The following CHRM3 variants were observed in gnomAD, a reference collection of about 807,000 sequenced individuals.
CHRM3 encodes the protein muscarinic acetylcholine receptor M3.
CHRM3 carries 11 observed loss-of-function variants against 41.8 expected under a neutral mutation model. That is an observed-to-expected ratio of 0.26 (90% CI 0.17 to 0.44). The LOEUF (loss-of-function observed/expected upper bound fraction) is 0.44, where lower values mean the gene tolerates loss of function less well. Ranked by LOEUF, CHRM3 falls within the 20% of genes least tolerant of loss-of-function variation. The pLI is 1.00. For missense variants in CHRM3, 571 were observed against 745.4 expected (o/e 0.77, Z 2.72); for synonymous variants, 297 against 301.4 (o/e 0.99, Z 0.15).
chr1:239,792,482 T>G (rs1669431209), intron 5 of CHRM3, among the ~76,000 whole-genome samples: 1 of 152,192 alleles, frequency 6.6e-6, no homozygotes, highest in Non-Finnish European at 1.5e-5. Context: ...TGCTCTCACA[T>G]AGATCCAAGT....
At chr1:239,722,710 A>T (rs1437106425) in intron 5 of CHRM3, among the ~76,000 whole-genome samples, 1 of 151,980 alleles carries the variant, frequency 6.6e-6, no homozygotes, top group Non-Finnish European at 1.5e-5. Flanking sequence ...AACTGAGTTA[A>T]CATATTCAAG....
intron 1 of CHRM3, among the ~76,000 whole-genome samples, chr1:239,473,630 CA>C (rs1666279421): frequency 6.6e-6 from 1 of 152,076 alleles, no homozygotes; most frequent in Non-Finnish European, 1.5e-5. Flanking sequence ...AGAAACAACT[CA>C]AATGACACTG....
chr1:239,796,831 A>G (rs542848564), intron 5 of CHRM3, among the ~76,000 whole-genome samples: 3 of 151,994 alleles, frequency 2.0e-5, no homozygotes, highest in Non-Finnish European at 4.4e-5. Context: ...GTAGCTTTTC[A>G]TTCCTCACCC....
At chr1:239,545,001 A>T (rs1172883170) in intron 2 of CHRM3, among the ~76,000 whole-genome samples, 1 of 152,066 alleles carries the variant, frequency 6.6e-6, no homozygotes, top group African/African-American at 2.4e-5. Flanking sequence ...AGATGACTAC[A>T]TTGCAGATTT....
intron 5 of CHRM3, among the ~76,000 whole-genome samples, chr1:239,691,337 T>G (rs2147988448): frequency 6.6e-6 from 1 of 152,262 alleles, no homozygotes; most frequent in Admixed American, 6.5e-5. Flanking sequence ...TTACAAATAT[T>G]ATGGTTCTGC....
intron 3 of CHRM3, among the ~76,000 whole-genome samples, chr1:239,630,155 A>G (rs915164338): frequency 3.3e-5 from 5 of 152,240 alleles, no homozygotes; most frequent in African/African-American, 9.6e-5. Context: ...CATTTAGTGA[A>G]CAAGATATTG....
chr1:239,596,744 G>C (rs1031410347), intron 3 of CHRM3, among the ~76,000 whole-genome samples: 2 of 152,162 alleles, frequency 1.3e-5, no homozygotes, highest in Admixed American at 6.5e-5. Flanking sequence ...TGAACAAACA[G>C]ATGTCATCTC....
chr1:239,508,339 G>T (rs1668706570), intron 2 of CHRM3, among the ~76,000 whole-genome samples: 1 of 152,160 alleles, frequency 6.6e-6, no homozygotes. Flanking sequence ...TATCATGAAT[G>T]TCAGAAGTTC....
In CHRM3 at chr1:239,914,800, G is replaced by T. The variant is rs1040705625; in HGVS notation, c.*5576G>T. ...ATCCTTGCATGTAGTTTTGCTTGGCGTGGAAAGTTATTAGGAGACAATCCT... is the reference window on the plus strand; with the variant it reads ...ATCCTTGCATGTAGTTTTGCTTGGCTTGGAAAGTTATTAGGAGACAATCCT... On this transcript the variant is annotated 3_prime_UTR_variant, in exon 7 of 7. Transcript: ENST00000676153. 1.2e-5 allele frequency: 2 copies of T among 166,896 alleles called. No homozygotes were observed. Among genetic ancestry groups the T allele is most frequent in the Non-Finnish European group, 2.9e-5 (2 of 68,130 alleles). The allele number at this position is 166,896 out of a possible 1,614,324, so 10.3% of individuals were successfully genotyped here. A position where few individuals can be genotyped will look rare whatever the true frequency, so the allele number is the denominator to read the frequency against.
intron 6 of CHRM3, among the ~76,000 whole-genome samples, chr1:239,854,999 G>T (rs1190047010): frequency 6.6e-6 from 1 of 152,118 alleles, no homozygotes; most frequent in Non-Finnish European, 1.5e-5. Context: ...CATAAAGTTT[G>T]CAGTGATTTA....
intron 5 of CHRM3, among the ~76,000 whole-genome samples, chr1:239,752,369 T>C (rs985933776): frequency 8.5e-5 from 13 of 152,200 alleles, no homozygotes; most frequent in Non-Finnish European, 1.5e-4. Flanking sequence ...TCTTGAGTCC[T>C]CTAAGAGAGA....
intron 5 of CHRM3, among the ~76,000 whole-genome samples, chr1:239,805,806 C>A (rs775601771): frequency 6.6e-6 from 1 of 152,158 alleles, no homozygotes; most frequent in Non-Finnish European, 1.5e-5. Flanking sequence ...ATAAAACACT[C>A]TGCAAAGATT....
chr1:239,660,175 T>A (rs1000377203), intron 4 of CHRM3, among the ~76,000 whole-genome samples: 2 of 152,072 alleles, frequency 1.3e-5, no homozygotes, highest in African/African-American at 4.8e-5. Flanking sequence ...AGAGATGGGG[T>A]TCTCACTAAT....
chr1:239,636,527 T>C (rs1670485408), intron 4 of CHRM3, among the ~76,000 whole-genome samples: 1 of 152,228 alleles, frequency 6.6e-6, no homozygotes, highest in South Asian at 2.1e-4. Flanking sequence ...GCCTCGTGGT[T>C]ACATTACAGC....
intron 4 of CHRM3, among the ~76,000 whole-genome samples, chr1:239,666,723 AC>A (rs1276195483): frequency 1.3e-5 from 2 of 151,984 alleles, no homozygotes; most frequent in South Asian, 2.1e-4. Flanking sequence ...CAGGTTTGTT[AC>A]CTGGTTATAC....
At chr1:239,550,823 C>T (rs1659739669) in intron 3 of CHRM3, among the ~76,000 whole-genome samples, 1 of 152,058 alleles carries the variant, frequency 6.6e-6, no homozygotes, top group African/African-American at 2.4e-5. Flanking sequence ...AGCATTTCAA[C>T]AATGATGAGA....
chr1:239,885,736 C>A (rs989115037), intron 6 of CHRM3, among the ~76,000 whole-genome samples: 1 of 152,148 alleles, frequency 6.6e-6, no homozygotes, highest in Non-Finnish European at 1.5e-5. Context: ...TCAACACCTG[C>A]GCTGACCTTC....
chr1:239,810,389 G>A (rs1052325106), intron 5 of CHRM3, among the ~76,000 whole-genome samples: 6 of 152,152 alleles, frequency 3.9e-5, no homozygotes, highest in Non-Finnish European at 7.3e-5. Context: ...GGGCGGAGGG[G>A]ACCACGCTGC....
chr1:239,676,325 A>G (rs945587419), intron 4 of CHRM3, among the ~76,000 whole-genome samples: 3 of 151,952 alleles, frequency 2.0e-5, no homozygotes, highest in Non-Finnish European at 4.4e-5. Flanking sequence ...GCTGGACAGT[A>G]CAAAGTAGCC....
Sources: gnomAD v4.1 joint callset for allele counts (sites outside exome capture counted in the v4.1 genomes callset) on GRCh38, gnomAD v4.1.1 for gene constraint, MANE v1.5 for transcripts, NCBI Gene and HGNC (gene_info 2026-07-23, HGNC 2026-07-21) for gene names.